Variants in PRKCZ observed in about 807,000 individuals in gnomAD.
PRKCZ encodes protein kinase C zeta type.
In PRKCZ, 33 loss-of-function variants were observed where a neutral mutation model predicts 79.5. The ratio of observed to expected loss-of-function variants is 0.41; its 90% CI spans 0.31 to 0.55. The LOEUF is 0.55. PRKCZ is among the 20% of genes least tolerant of loss of function. The pLI, the probability that PRKCZ is intolerant of heterozygous loss-of-function variation, is 0.19. For synonymous variants in PRKCZ, 342 were observed against 320.9 expected (o/e 1.07, Z -0.70); for missense variants, 578 against 813.5 (o/e 0.71, Z 3.52).
At chr1:2,049,165 CA>C (rs1260998695), upstream of PRKCZ, 1 of 151,270 alleles carries the variant, frequency 6.6e-6, no homozygotes, top group Non-Finnish European at 1.5e-5. Context: ...AACTCCATCT[CA>C]AAAAAAAGAA....
At chr1:2,147,847 A>C (rs904300757) in intron 7 of PRKCZ, among the ~76,000 whole-genome samples, 4 of 150,178 alleles carry the variant, frequency 2.7e-5, no homozygotes, top group Middle Eastern at 3.7e-3. Context: ...CTGTCCATCT[A>C]TCTGTTGTCC....
rs1159110219 is a variant in PRKCZ at position 2,177,490 on chromosome 1, G to A, written c.1575+2177G>A. ...CTGATCTTGTCTCTCAACCACTCTTGGTTTACCGGGAGTGGACAGATGAGG... is the reference window on the plus strand; with the variant it reads ...CTGATCTTGTCTCTCAACCACTCTTAGTTTACCGGGAGTGGACAGATGAGG... On this transcript the variant is annotated intron_variant, in intron 16 of 17. Transcript: ENST00000378567. This position sits in a 1 kb window ranked among gnomAD's most constrained non-coding sequence, Gnocchi z 6.4. Among the ~76,000 whole-genome samples the A allele has an allele frequency of 2.6e-5, 4 of 152,274 alleles. No individual in the cohort carries two copies. Among genetic ancestry groups the A allele is most frequent in the Non-Finnish European group, 4.4e-5 (3 of 68,008 alleles).
intron 1 of PRKCZ, among the ~76,000 whole-genome samples, chr1:2,051,444 G>A (rs1294917012): frequency 6.6e-6 from 1 of 152,240 alleles, no homozygotes; most frequent in Non-Finnish European, 1.5e-5. Context: ...CGGTGGGGAG[G>A]GGAGGACCCG....
intron 4 of PRKCZ, among the ~76,000 whole-genome samples, chr1:2,096,273 G>T (rs1353743026): frequency 1.3e-5 from 2 of 152,022 alleles, no homozygotes; most frequent in African/African-American, 4.8e-5. Flanking sequence ...GCGCACGGCA[G>T]CATGATCGGT....
intron 4 of PRKCZ, among the ~76,000 whole-genome samples, chr1:2,126,586 T>G (rs1203079420): frequency 1.3e-5 from 2 of 152,162 alleles, no homozygotes; most frequent in Non-Finnish European, 2.9e-5. Flanking sequence ...ATGCCCTCAT[T>G]TGATTGGCTT....
intron 11 of PRKCZ, among the ~76,000 whole-genome samples, chr1:2,170,505 TA>T (rs1202081225): frequency 2.0e-5 from 3 of 151,622 alleles, no homozygotes; most frequent in Non-Finnish European, 4.4e-5. Context: ...ACACACAACA[TA>T]AAAGGTAGCA....
chr1:2,143,931 G>A lies in PRKCZ; in HGVS notation c.421-279G>A, dbSNP rs190088048. ...GGGGCCTTGCCTGAAGCAGCACCTC[G>A]TCACCCCTGCCCGATGGCACCTCCC... On this transcript the variant is annotated intron_variant, in intron 5 of 17. Coordinates refer to ENST00000378567, the MANE Select transcript of PRKCZ (RefSeq NM_002744.6). 29 of 358,224 alleles carry A rather than the reference G, an allele frequency of 8.1e-5. 1 individual carries two copies. The highest frequency in any genetic ancestry group is 1.6e-4 in the East Asian group (3 of 18,780). The allele number at this position is 358,224 out of a possible 1,614,324, so 22.2% of individuals were successfully genotyped here.
intron 4 of PRKCZ, among the ~76,000 whole-genome samples, chr1:2,133,427 C>T (rs1675420170): frequency 1.3e-5 from 2 of 149,716 alleles, no homozygotes; most frequent in Admixed American, 6.6e-5. Context: ...TTCCTCAGCT[C>T]AGTCCCCAAG....
chr1:2,071,396 G>C, intron 4 of PRKCZ: 1 of 429,852 alleles, frequency 2.3e-6, no homozygotes, highest in South Asian at 1.7e-5. Context: ...CTGCGCGACC[G>C]CCTGTGGAAC....
intron 3 of PRKCZ, among the ~76,000 whole-genome samples, chr1:2,058,684 T>A (rs1351805026): frequency 6.6e-6 from 1 of 151,740 alleles, no homozygotes; most frequent in Non-Finnish European, 1.5e-5. Context: ...TCACTTGAGG[T>A]CAGGAGTTCA....
At chr1:2,148,988 C>T in intron 8 of PRKCZ, 64 bp downstream of exon 8, 1 of 1,533,868 alleles carries the variant, frequency 6.5e-7, no homozygotes, top group Middle Eastern at 1.7e-4. Context: ...GAGCCTGTCT[C>T]TGGGGTAGTC....
intron 17 of PRKCZ, 104 bp downstream of exon 17, chr1:2,184,802 C>G: frequency 7.3e-7 from 1 of 1,377,868 alleles, no homozygotes; most frequent in Non-Finnish European, 1.0e-6. Context: ...GAGTCCCACC[C>G]GCCTGGTGTC....
chr1:2,073,849 G>A (rs1029276880), intron 4 of PRKCZ: 63 of 1,055,600 alleles, frequency 6.0e-5, no homozygotes, highest in Non-Finnish European at 6.7e-5. Context: ...GCTCGTCAAC[G>A]GGAAGGAAGA....
At chr1:2,103,600 G>T (rs966569328) in intron 4 of PRKCZ, among the ~76,000 whole-genome samples, 3 of 152,142 alleles carry the variant, frequency 2.0e-5, no homozygotes, top group Non-Finnish European at 2.9e-5. Context: ...AGAAGCGTGA[G>T]GCTGGGCACG....
chr1:2,127,770 C>T lies in PRKCZ; in HGVS notation c.335-7492C>T, dbSNP rs943699426. ...CTGGCAGCCCCTGGCCAGGGTGGCC[C>T]AGTGCCCACTATAGAGGGTGCAGGT... On this transcript the variant is annotated intron_variant, in intron 4 of 17. Coordinates refer to ENST00000378567, the MANE Select transcript of PRKCZ (RefSeq NM_002744.6). This position sits in a 1 kb window ranked among gnomAD's most constrained non-coding sequence, Gnocchi z 5.1. Among the ~76,000 whole-genome samples the T allele has an allele frequency of 1.3e-5, 2 of 152,220 alleles. No homozygotes were observed. The highest frequency in any genetic ancestry group is 4.8e-5 in the African/African-American group (2 of 41,450).
At chr1:2,063,112 T>C (rs1377336956) in intron 4 of PRKCZ, among the ~76,000 whole-genome samples, 1 of 152,058 alleles carries the variant, frequency 6.6e-6, no homozygotes, top group East Asian at 1.9e-4. Context: ...TCTCCTTCCT[T>C]CTCAAGACTG....
At chr1:2,148,054 TG>T (rs1679032810) in intron 7 of PRKCZ, among the ~76,000 whole-genome samples, 1 of 150,212 alleles carries the variant, frequency 6.7e-6, no homozygotes, top group Admixed American at 6.6e-5. Context: ...CACTGTCCAC[TG>T]ACCTCTCCAT....
chr1:2,152,572 C>G (rs922200086), intron 9 of PRKCZ, among the ~76,000 whole-genome samples: 1 of 152,188 alleles, frequency 6.6e-6, no homozygotes, highest in Non-Finnish European at 1.5e-5. Context: ...TACAGTTAGG[C>G]GGCTTTTAGC....
intron 8 of PRKCZ, 139 bp from the exon 9 acceptor site, chr1:2,150,651 C>A: frequency 3.6e-6 from 3 of 830,070 alleles, no homozygotes; most frequent in South Asian, 1.8e-5. Flanking sequence ...ATATGTGGGA[C>A]GCAGAACTGA....
Sources: gnomAD v4.1 joint callset for allele counts (sites outside exome capture counted in the v4.1 genomes callset) on GRCh38, gnomAD v4.1.1 for gene constraint, Gnocchi (gnomAD v3.1) non-coding constraint, MANE v1.5 for transcripts, NCBI Gene and HGNC (gene_info 2026-07-23, HGNC 2026-07-21) for gene names.